EPHA6: variants seen among roughly 807,000 people sequenced by gnomAD.
EPHA6 encodes the protein ephrin type-A receptor 6.
EPHA6 carries 50 observed loss-of-function variants against 112.0 expected under a neutral mutation model. That is an observed-to-expected ratio of 0.45 (90% CI 0.36 to 0.56). The LOEUF (loss-of-function observed/expected upper bound fraction) is 0.56, where lower values mean the gene tolerates loss of function less well. Among genes scored for constraint, EPHA6 ranks in the 20% least tolerant of loss-of-function variants. The pLI, the probability that EPHA6 is intolerant of heterozygous loss-of-function variation, is 0.00. For missense variants in EPHA6, 1,280 were observed against 1,417.4 expected (o/e 0.90, Z 1.56); for synonymous variants, 529 against 490.7 (o/e 1.08, Z -1.03).
intron 3 of EPHA6, among the ~76,000 whole-genome samples, chr3:97,220,996 G>A (rs767148916): frequency 6.6e-6 from 1 of 152,046 alleles, no homozygotes; most frequent in African/African-American, 2.4e-5. Context: ...TATTATTATG[G>A]GGGAAAACTT....
intron 3 of EPHA6, among the ~76,000 whole-genome samples, chr3:97,188,710 T>C (rs1348576879): frequency 1.3e-5 from 2 of 151,916 alleles, no homozygotes; most frequent in Non-Finnish European, 2.9e-5. Context: ...ATCTACATTA[T>C]GCAAATAAAA....
At chr3:97,329,063 G>A (rs1369915724) in intron 5 of EPHA6, among the ~76,000 whole-genome samples, 8 of 151,900 alleles carry the variant, frequency 5.3e-5, no homozygotes, top group Admixed American at 1.3e-4. Context: ...GACAACATGC[G>A]GTGTTTGGTT....
At chr3:97,240,482 T>C (rs190929081) in intron 4 of EPHA6, among the ~76,000 whole-genome samples, 2 of 152,008 alleles carry the variant, frequency 1.3e-5, no homozygotes, top group East Asian at 3.9e-4. Flanking sequence ...TCGGTGAAAT[T>C]TTTATTATTC....
At chr3:97,139,072 T>C (rs2075832134) in intron 3 of EPHA6, among the ~76,000 whole-genome samples, 1 of 152,106 alleles carries the variant, frequency 6.6e-6, no homozygotes, top group Non-Finnish European at 1.5e-5. Flanking sequence ...CCTAACCCCA[T>C]TGTAATCAGC....
intron 5 of EPHA6, among the ~76,000 whole-genome samples, chr3:97,248,541 A>G (rs2079044577): frequency 6.6e-6 from 1 of 152,120 alleles, no homozygotes; most frequent in Admixed American, 6.6e-5. Context: ...TCAAAGTGAA[A>G]GACATGGTAA....
chr3:96,938,599 T>C (rs1383516048), intron 2 of EPHA6, among the ~76,000 whole-genome samples: 1 of 152,108 alleles, frequency 6.6e-6, no homozygotes, highest in Non-Finnish European at 1.5e-5. Flanking sequence ...ATACTCTTTA[T>C]TTCCTTTTCC....
chr3:97,051,536 A>G (rs2108086771), intron 3 of EPHA6, among the ~76,000 whole-genome samples: 1 of 152,282 alleles, frequency 6.6e-6, no homozygotes, highest in Admixed American at 6.5e-5. Flanking sequence ...AACCTGGAAT[A>G]CTTTTTAAAA....
intron 10 of EPHA6, among the ~76,000 whole-genome samples, chr3:97,492,894 T>A (rs1416234019): frequency 1.3e-5 from 2 of 151,850 alleles, no homozygotes; most frequent in African/African-American, 2.4e-5. Flanking sequence ...AAGAGGAATT[T>A]AGGACGTTTT....
In EPHA6 at chr3:97,180,387, C is replaced by T. The variant is rs142244568; in HGVS notation, c.1115-45877C>T. ...ACTTGGTGCTATACCCTGCCATGGT[C>T]ATGCTGGTACCTAAGGTACAAGGCA... On this transcript the variant is annotated intron_variant, in intron 3 of 17. Transcript: ENST00000389672. 3.1e-3 allele frequency among the ~76,000 whole-genome samples: 467 copies of T among 152,186 alleles called. 2 individuals are homozygous for T. The highest frequency in any genetic ancestry group is 5.0e-3 in the Non-Finnish European group (340 of 67,968).
intron 2 of EPHA6, among the ~76,000 whole-genome samples, chr3:96,938,501 A>AT (rs1490558260): frequency 1.3e-5 from 2 of 152,126 alleles, no homozygotes; most frequent in Admixed American, 6.5e-5. Flanking sequence ...GCTTAAGGAG[A>AT]TTTTGTGCTG....
chr3:97,582,854 A>G (rs1350395615), intron 11 of EPHA6, among the ~76,000 whole-genome samples: 1 of 152,116 alleles, frequency 6.6e-6, no homozygotes, highest in Admixed American at 6.5e-5. Flanking sequence ...TTGTTCGTAG[A>G]TAGTGCTGCC....
At chr3:96,993,964 T>C (rs2043310557) in intron 3 of EPHA6, among the ~76,000 whole-genome samples, 1 of 152,204 alleles carries the variant, frequency 6.6e-6, no homozygotes, top group Middle Eastern at 3.2e-3. Flanking sequence ...CTGAATGATG[T>C]ATATTTAAAT....
chr3:97,694,201 G>A (rs1045205725), intron 14 of EPHA6, among the ~76,000 whole-genome samples: 3 of 151,780 alleles, frequency 2.0e-5, no homozygotes, highest in Non-Finnish European at 4.4e-5. Context: ...GCCACAGTTA[G>A]AATAGATGTC....
intron 2 of EPHA6, among the ~76,000 whole-genome samples, chr3:96,886,136 A>G (rs2107525420): frequency 6.6e-6 from 1 of 152,242 alleles, no homozygotes; most frequent in Admixed American, 6.5e-5. Flanking sequence ...TGTTGAATAG[A>G]ATGTGTATTC....
At chr3:96,903,974 C>T (rs531319541) in intron 2 of EPHA6, among the ~76,000 whole-genome samples, 1 of 151,964 alleles carries the variant, frequency 6.6e-6, no homozygotes, top group Non-Finnish European at 1.5e-5. Context: ...CTGGAGAGGA[C>T]CTGGAGAAAT....
At chr3:97,084,801 A>G (rs1019598947) in intron 3 of EPHA6, among the ~76,000 whole-genome samples, 1 of 152,150 alleles carries the variant, frequency 6.6e-6, no homozygotes, top group Admixed American at 6.6e-5. Context: ...GGAAGACTCA[A>G]CATCATTAAA....
chr3:96,998,745 AAG>A (rs1392811046), intron 3 of EPHA6, among the ~76,000 whole-genome samples: 5 of 151,684 alleles, frequency 3.3e-5, no homozygotes, highest in African/African-American at 9.7e-5. Flanking sequence ...TAACCTGAGA[AAG>A]AGAGAGACAG....
intron 5 of EPHA6, among the ~76,000 whole-genome samples, chr3:97,286,790 A>G (rs2080480397): frequency 1.3e-5 from 2 of 150,316 alleles, no homozygotes; most frequent in Admixed American, 1.3e-4. Flanking sequence ...TCACATTGGT[A>G]TTTTATAGCA....
chr3:97,222,981 G>C (rs2078250821), intron 3 of EPHA6, among the ~76,000 whole-genome samples: 1 of 152,266 alleles, frequency 6.6e-6, no homozygotes, highest in African/African-American at 2.4e-5. Flanking sequence ...GAGTCATCGG[G>C]GTTATAAGGA....
Sources: allele counts gnomAD v4.1 joint callset (sites outside exome capture counted in the v4.1 genomes callset), GRCh38; gene constraint gnomAD v4.1.1; transcripts MANE v1.5; gene names NCBI Gene and HGNC (gene_info 2026-07-23, HGNC 2026-07-21).